Variants in KCNH4 observed in about 807,000 individuals in gnomAD.
The protein encoded by KCNH4 is potassium voltage-gated channel subfamily H member 4.
KCNH4 carries 33 observed loss-of-function variants against 90.7 expected under a neutral mutation model. The ratio of observed to expected loss-of-function variants is 0.36; its 90% CI spans 0.28 to 0.49. The LOEUF (loss-of-function observed/expected upper bound fraction) is 0.49. Ranked by LOEUF, KCNH4 falls within the 20% of genes least tolerant of loss-of-function variation. The pLI is 0.98. For missense variants in KCNH4, 1,044 were observed against 1,387.1 expected, an observed-to-expected ratio of 0.75 and a Z score of 3.93; for synonymous variants, 551 against 581.7, an observed-to-expected ratio of 0.95 and a Z score of 0.76.
At chr17:42,171,260 G>A (rs149721611) in intron 7 of KCNH4, among the ~76,000 whole-genome samples, 124 of 152,096 alleles carry the variant, frequency 8.2e-4, no homozygotes, top group African/African-American at 2.9e-3. Context: ...CAGAGAGGAT[G>A]GAGAGAAAAG....
chr17:42,171,721 G>A (rs866023141), intron 7 of KCNH4, 67 bp downstream of exon 7: 1 of 1,397,604 alleles, frequency 7.2e-7, no homozygotes, highest in Non-Finnish European at 1.0e-6. Context: ...GGTACTGGTG[G>A]AGGCATCAGC....
intron 6 of KCNH4, among the ~76,000 whole-genome samples, chr17:42,172,440 G>A (rs2079833491): frequency 6.6e-6 from 1 of 151,704 alleles, no homozygotes; most frequent in Non-Finnish European, 1.5e-5. Flanking sequence ...CCAAAGTGCT[G>A]GGATTACAAG....
At chr17:42,174,979 T>C (rs2144138446) in intron 6 of KCNH4, among the ~76,000 whole-genome samples, 1 of 152,258 alleles carries the variant, frequency 6.6e-6, no homozygotes, top group East Asian at 1.9e-4. Flanking sequence ...CCCAGACCCC[T>C]CCAGCCTCTG....
At position 42,178,801 on chromosome 17, in the gene KCNH4, C is replaced by T. The variant is rs754903664; in HGVS notation, c.302G>A (p.Arg101His). Reference protein sequence around the residue: ...QEHRAEICFYRKDGSAFWCLL... With the variant: ...QEHRAEICFYHKDGSAFWCLL... ...GGGGTGAGCCCCCTCACCATCCTTGCGGTAGAAGCAGATTTCAGCCCGGTG... is the reference window on the plus strand; with the variant it reads ...GGGGTGAGCCCCCTCACCATCCTTGTGGTAGAAGCAGATTTCAGCCCGGTG... Residue 101 changes from arginine to histidine, a missense_variant, in exon 2 of 17, where the codon CGC (arginine) becomes CAC (histidine). By Grantham distance (29) the Arg-to-His change is conservative (BLOSUM62 0). This residue lies in a region of KCNH4 where 283 missense variants were observed against 378.6 expected (regional missense o/e 0.75). Transcript: ENST00000264661. 17 of 1,612,506 alleles carry T rather than the reference C, an allele frequency of 1.1e-5. No homozygotes were observed. The highest frequency in any genetic ancestry group is 1.3e-5 in the African/African-American group (1 of 74,920).
chr17:42,160,316 G>T lies in KCNH4; in HGVS notation c.2778C>A (p.Asp926Glu). 6.2e-7 allele frequency: 1 copy of T among 1,614,140 alleles called. No homozygotes were observed. Among genetic ancestry groups the T allele is most frequent in the Non-Finnish European group, 8.5e-7 (1 of 1,180,006 alleles). The change falls in exon 16 of 17, where the codon GAC becomes GAA. Residue 926 changes from aspartate (D) to glutamate (E), a missense_variant. Asp to Glu is a conservative substitution (Grantham distance 45). This residue lies in a region of KCNH4 where 441 missense variants were observed against 512.3 expected (regional missense o/e 0.86). Coordinates refer to ENST00000264661, the MANE Select transcript of KCNH4 (RefSeq NM_012285.3). ...GHPAGSAWTPDPPCPQLRPPC... is the reference protein window; with the variant it reads ...GHPAGSAWTPEPPCPQLRPPC... Reference sequence around the variant, plus strand: ...GTGGCCTCAGCTGTGGACAAGGAGGGTCTGGGGTCCAAGCGGAGCCTGCTG... The same window carrying T: ...GTGGCCTCAGCTGTGGACAAGGAGGTTCTGGGGTCCAAGCGGAGCCTGCTG...
chr17:42,179,612 A>C (rs185033353), intron 1 of KCNH4, among the ~76,000 whole-genome samples: 2 of 152,338 alleles, frequency 1.3e-5, no homozygotes, highest in East Asian at 3.9e-4. Flanking sequence ...AGAGATTCTG[A>C]TGACACCACA....
At chr17:42,170,982 C>G (rs572976425) in intron 7 of KCNH4, among the ~76,000 whole-genome samples, 1 of 152,080 alleles carries the variant, frequency 6.6e-6, no homozygotes, top group Non-Finnish European at 1.5e-5. Flanking sequence ...GCAGGGAGCA[C>G]GGGAGAACGG....
chr17:42,163,705 G>A lies in KCNH4; in HGVS notation c.2378C>T (p.Ala793Val). 3 of 1,517,286 alleles carry A rather than the reference G, an allele frequency of 2.0e-6. No individual in the cohort carries two copies. The highest frequency in any genetic ancestry group is 2.6e-6 in the Non-Finnish European group (3 of 1,135,020). The allele number at this position is 1,517,286 out of a possible 1,614,324, so 94.0% of individuals were successfully genotyped here. The change falls in exon 13 of 17, where the codon GCC becomes GTC. Residue 793 changes from alanine (A) to valine (V), a missense_variant. Around this residue, in one of 4 missense-constraint regions of KCNH4, gnomAD observed 441 missense variants for 512.3 expected, o/e 0.86. Transcript: ENST00000264661. This position sits in a 1 kb window ranked among gnomAD's most constrained non-coding sequence, Gnocchi z 5.4. ...SPALAGQGHS[A>V]SPHGPPRCSA... ...GCACCTGGGGGGGCCGTGAGGGGAGGCACTGTGGCCCTGGCCAGCCAGGGC... is the reference window on the plus strand; with the variant it reads ...GCACCTGGGGGGGCCGTGAGGGGAGACACTGTGGCCCTGGCCAGCCAGGGC...
At chr17:42,166,604 C>T in intron 9 of KCNH4, 58 bp from the exon 10 acceptor site, 3 of 1,561,534 alleles carry the variant, frequency 1.9e-6, no homozygotes, top group Admixed American at 1.8e-5. Flanking sequence ...CTTGAGTCTA[C>T]AAATGTGCTG....
intron 6 of KCNH4, 139 bp downstream of exon 6, chr17:42,175,440 C>T: frequency 3.0e-6 from 3 of 1,004,808 alleles, no homozygotes; most frequent in Non-Finnish European, 4.6e-6. Flanking sequence ...CAGGGCTATG[C>T]CCAGAGCAGG....
chr17:42,165,061 G>A (rs1284719759), intron 11 of KCNH4, among the ~76,000 whole-genome samples: 3 of 151,612 alleles, frequency 2.0e-5, no homozygotes, highest in East Asian at 1.9e-4. Context: ...AGCCAAGATC[G>A]CGCCACTGCA....
At chr17:42,170,885 T>A (rs2079822363) in intron 7 of KCNH4, among the ~76,000 whole-genome samples, 1 of 152,014 alleles carries the variant, frequency 6.6e-6, no homozygotes. Flanking sequence ...AAGAGGAGGA[T>A]TCCAGAGAGG....
At chr17:42,171,010 G>A (rs923276633) in intron 7 of KCNH4, among the ~76,000 whole-genome samples, 1 of 152,206 alleles carries the variant, frequency 6.6e-6, no homozygotes, top group African/African-American at 2.4e-5. Flanking sequence ...GGTGGGGAGA[G>A]AAGGGGCACA....
At chr17:42,172,560 CA>C (rs1392510524) in intron 6 of KCNH4, among the ~76,000 whole-genome samples, 10 of 151,538 alleles carry the variant, frequency 6.6e-5, no homozygotes, top group African/African-American at 2.2e-4. Flanking sequence ...CACACACACA[CA>C]CACACACACA....
intron 14 of KCNH4, among the ~76,000 whole-genome samples, chr17:42,162,774 G>A (rs892980088): frequency 1.3e-5 from 2 of 152,012 alleles, no homozygotes; most frequent in Non-Finnish European, 2.9e-5. Context: ...TGTATTTTTA[G>A]TAGAGATGGG....
intron 6 of KCNH4, among the ~76,000 whole-genome samples, chr17:42,175,195 T>C (rs892927521): frequency 1.3e-5 from 2 of 152,358 alleles, no homozygotes; most frequent in African/African-American, 4.8e-5. Flanking sequence ...GTTTAGAGGC[T>C]GAATCCTTGT....
chr17:42,172,451 C>A (rs769693999), intron 6 of KCNH4, among the ~76,000 whole-genome samples: 4 of 150,786 alleles, frequency 2.7e-5, no homozygotes, highest in Non-Finnish European at 4.4e-5. Flanking sequence ...GGATTACAAG[C>A]GTGAGCCACT....
Position 42,163,568 on chromosome 17 carries a change from T to C in KCNH4, c.2477+38A>G, listed in dbSNP as rs764148810. The C allele has an allele frequency of 4.1e-6, 4 of 968,726 alleles. No homozygotes were observed. The highest frequency in any genetic ancestry group is 4.7e-6 in the Non-Finnish European group (3 of 639,760). The allele number at this position is 968,726 out of a possible 1,614,324, so 60.0% of individuals were successfully genotyped here. ...GCCCAGAGAAGGTTCTGGAAGCCAA[T>C]AGGGGTTTTGGGAAAGCAGGGGAGG... is the stretch of plus-strand genomic sequence containing the variant. On this transcript the variant is annotated intron_variant, in intron 13 of 16. Transcript: ENST00000264661. The surrounding 1 kb of genome is among the most constrained non-coding windows in gnomAD (Gnocchi z 5.4).
At chr17:42,157,926 T>TTATG (rs1246275595) in intron 16 of KCNH4, among the ~76,000 whole-genome samples, 1 of 151,724 alleles carries the variant, frequency 6.6e-6, no homozygotes, top group Admixed American at 6.6e-5. Flanking sequence ...TAATTTTTAT[T>TTATG]TATTTATTTA....
Sources: gnomAD v4.1 joint callset for allele counts (sites outside exome capture counted in the v4.1 genomes callset) on GRCh38, gnomAD v4.1.1 for gene constraint, gnomAD v4.1.1 regional missense constraint, Gnocchi (gnomAD v3.1) non-coding constraint, MANE v1.5 for transcripts, NCBI Gene and HGNC (gene_info 2026-07-23, HGNC 2026-07-21) for gene names.